The following RANBP17 variants were observed in gnomAD, a reference collection of about 807,000 sequenced individuals.
RANBP17 encodes ran-binding protein 17.
A neutral mutation model predicts 141.2 loss-of-function variants in RANBP17; 158 were observed. The ratio of observed to expected loss-of-function variants is 1.12; its 90% CI spans 0.98 to 1.28. RANBP17 has a LOEUF of 1.28. Ranked by LOEUF, RANBP17 falls within the 50% of genes most tolerant of loss-of-function variation. RANBP17 has a pLI of 0.00. For missense variants in RANBP17, 1,438 were observed against 1,290.7 expected (o/e 1.11, Z -1.75); for synonymous variants, 430 against 450.0 (o/e 0.96, Z 0.56).
At chr5:171,227,424 G>T (rs563697253) in intron 22 of RANBP17, among the ~76,000 whole-genome samples, 3 of 152,226 alleles carry the variant, frequency 2.0e-5, no homozygotes, top group African/African-American at 7.2e-5. Context: ...CTTCACTTCT[G>T]TGAAGGCTAA....
At chr5:171,160,560 A>G (rs910469789) in intron 14 of RANBP17, among the ~76,000 whole-genome samples, 1 of 152,192 alleles carries the variant, frequency 6.6e-6, no homozygotes, top group Non-Finnish European at 1.5e-5. Flanking sequence ...AGGGTAAGCA[A>G]CTTGCTCAAA....
chr5:170,879,254 G>A (rs1158170411), intron 2 of RANBP17, among the ~76,000 whole-genome samples: 3 of 152,034 alleles, frequency 2.0e-5, no homozygotes, highest in Non-Finnish European at 4.4e-5. Context: ...CATTTACAAG[G>A]CATTTAAAAA....
At chr5:171,272,847 T>TA (rs1767208933) in intron 25 of RANBP17, among the ~76,000 whole-genome samples, 1 of 178 alleles carries the variant, frequency 5.6e-3, no homozygotes, top group East Asian at 0.12. Flanking sequence ...GAAGTGGCTT[T>TA]GCAGTTGCTG....
chr5:170,916,456 A>G lies in RANBP17; in HGVS notation c.835-9A>G. On this transcript the variant is annotated splice_polypyrimidine_tract_variant and intron_variant, in intron 8 of 27. Coordinates refer to ENST00000523189, the MANE Select transcript of RANBP17 (RefSeq NM_022897.5). ...AAAATTGAAATGAAATTTTTTTGGT[A>G]TTTTTTAGGCACTTTCATGTTTAGT... 6.6e-7 allele frequency: 1 copy of G among 1,516,246 alleles called. No homozygotes were observed. The highest frequency in any genetic ancestry group is 1.4e-5 in the African/African-American group (1 of 71,468). The allele number at this position is 1,516,246 out of a possible 1,614,324, so 93.9% of individuals were successfully genotyped here. A position where few individuals can be genotyped will look rare whatever the true frequency, so the allele number is the denominator to read the frequency against.
chr5:170,872,922 C>CT (rs1261592008), intron 1 of RANBP17, among the ~76,000 whole-genome samples: 2 of 151,134 alleles, frequency 1.3e-5, no homozygotes, highest in Non-Finnish European at 2.9e-5. Flanking sequence ...TTCTTTTTTT[C>CT]TTTTTTTAAG....
intron 14 of RANBP17, among the ~76,000 whole-genome samples, chr5:171,117,977 T>A (rs999722471): frequency 6.6e-6 from 1 of 152,194 alleles, no homozygotes; most frequent in Admixed American, 6.5e-5. Context: ...GATGATTGTT[T>A]CCTTTGCTGT....
At chr5:170,896,010 TTG>T in intron 4 of RANBP17, 38 bp from the exon 5 acceptor site, 1 of 1,301,520 alleles carries the variant, frequency 7.7e-7, no homozygotes, top group Middle Eastern at 1.8e-4. Context: ...AACCAATCAC[TTG>T]TCTCCACTTA....
intron 14 of RANBP17, among the ~76,000 whole-genome samples, chr5:171,007,128 A>C (rs779329071): frequency 3.9e-5 from 6 of 152,150 alleles, no homozygotes; most frequent in Admixed American, 6.5e-5. Flanking sequence ...ATGACATTTA[A>C]GTCACTCCAG....
chr5:171,190,528 G>C (rs933101605), intron 18 of RANBP17, among the ~76,000 whole-genome samples: 3 of 152,162 alleles, frequency 2.0e-5, no homozygotes, highest in Non-Finnish European at 4.4e-5. Context: ...CCCTTCACGT[G>C]CAGAAAAAAA....
intron 14 of RANBP17, chr5:170,968,718 C>CATTT (rs1776773730): frequency 2.2e-6 from 1 of 459,306 alleles, no homozygotes; most frequent in African/African-American, 2.0e-5. Flanking sequence ...GTTTTTTGGA[C>CATTT]ACTTATTTAT....
intron 24 of RANBP17, among the ~76,000 whole-genome samples, chr5:171,257,961 C>T (rs1472181957): frequency 1.3e-5 from 2 of 151,864 alleles, no homozygotes; most frequent in Non-Finnish European, 2.9e-5. Flanking sequence ...CAAAATTAGC[C>T]GGAGATGGTG....
intron 14 of RANBP17, among the ~76,000 whole-genome samples, chr5:171,025,374 AGGTAATCTG>A (rs1781165729): frequency 2.0e-5 from 3 of 152,102 alleles, no homozygotes; most frequent in Admixed American, 2.0e-4. Context: ...TCCTTTTTCT[AGGTAATCTG>A]GCATTCTTTT....
intron 22 of RANBP17, among the ~76,000 whole-genome samples, chr5:171,237,481 T>G (rs1359594914): frequency 6.6e-6 from 1 of 152,214 alleles, no homozygotes; most frequent in Non-Finnish European, 1.5e-5. Context: ...CAATTCACAG[T>G]ATTCTTTTCC....
At chr5:171,152,133 G>A (rs1350421307) in intron 14 of RANBP17, among the ~76,000 whole-genome samples, 1 of 151,880 alleles carries the variant, frequency 6.6e-6, no homozygotes, top group Non-Finnish European at 1.5e-5. Context: ...CAGAAGCTGG[G>A]CACAGTAGCT....
chr5:171,127,970 A>C (rs562436352), intron 14 of RANBP17, among the ~76,000 whole-genome samples: 70 of 152,324 alleles, frequency 4.6e-4, no homozygotes, highest in African/African-American at 1.6e-3. Context: ...CATCCTGGCT[A>C]GCACGGTGAA....
At chr5:171,219,157 T>C (rs572827566) in intron 21 of RANBP17, among the ~76,000 whole-genome samples, 2 of 152,308 alleles carry the variant, frequency 1.3e-5, no homozygotes, top group African/African-American at 4.8e-5. Flanking sequence ...TGAAGCTTAG[T>C]TTGGCTGGAT....
At chr5:171,158,069 A>G (rs750748895) in intron 14 of RANBP17, among the ~76,000 whole-genome samples, 2 of 152,202 alleles carry the variant, frequency 1.3e-5, no homozygotes, top group Non-Finnish European at 2.9e-5. Flanking sequence ...ATGTTGAACA[A>G]TTATCTTATT....
chr5:170,968,057 G>C (rs1776714925), intron 13 of RANBP17, among the ~76,000 whole-genome samples, 185 bp from the exon 14 acceptor site: 1 of 151,774 alleles, frequency 6.6e-6, no homozygotes, highest in Non-Finnish European at 1.5e-5. Context: ...GAATGAATTA[G>C]ACCAAGTAGT....
intron 14 of RANBP17, among the ~76,000 whole-genome samples, chr5:171,052,012 A>C (rs1782983120): frequency 6.6e-6 from 1 of 152,118 alleles, no homozygotes; most frequent in African/African-American, 2.4e-5. Context: ...GCTGAGGTTT[A>C]GCATCATTTG....
Sources: allele counts gnomAD v4.1 joint callset (sites outside exome capture counted in the v4.1 genomes callset), GRCh38; gene constraint gnomAD v4.1.1; transcripts MANE v1.5; gene names NCBI Gene and HGNC (gene_info 2026-07-23, HGNC 2026-07-21).